DUS2: variants seen among roughly 807,000 people sequenced by gnomAD.
DUS2 encodes the protein dihydrouridine synthase 2.
DUS2 carries 52 observed loss-of-function variants against 71.3 expected under a neutral mutation model. The observed-to-expected ratio is 0.73, with a 90% CI of 0.58 to 0.92. DUS2 has a LOEUF of 0.92. Ranked by LOEUF, DUS2 falls within the 40% of genes least tolerant of loss-of-function variation. DUS2 has a pLI of 0.00. For missense variants in DUS2, 558 were observed against 622.6 expected (o/e 0.90, Z 1.10); for synonymous variants, 204 against 227.8 (o/e 0.90, Z 0.94).
At chr16:68,076,608 A>C in intron 14 of DUS2, 24 bp from the exon 15 acceptor site, 1 of 1,595,016 alleles carries the variant, frequency 6.3e-7, no homozygotes, top group East Asian at 2.2e-5. Context: ...GGGTGACCCC[A>C]ACTGCTTCCC....
At chr16:68,029,468 G>T (rs1341877317) in intron 2 of DUS2, among the ~76,000 whole-genome samples, 1 of 151,586 alleles carries the variant, frequency 6.6e-6, no homozygotes, top group Non-Finnish European at 1.5e-5. Context: ...TTTTTTTGAG[G>T]CAGAGTCTTG....
intron 10 of DUS2, among the ~76,000 whole-genome samples, chr16:68,067,037 CCCTTCCTTCCTTCCCTCCCTCCCTCCCTT>C (rs2034015970): frequency 9.2e-6 from 1 of 108,346 alleles, no homozygotes; most frequent in African/African-American, 4.3e-5. Flanking sequence ...CTCCCTCCCT[CCCTTCCTTCCTTCCCTCCCTCCCTCCCTT>C]CCTTCCTTCC....
intron 2 of DUS2, among the ~76,000 whole-genome samples, chr16:68,028,300 T>G (rs1234405985): frequency 6.6e-6 from 1 of 152,068 alleles, no homozygotes; most frequent in Non-Finnish European, 1.5e-5. Context: ...TGCCTTGATC[T>G]TAAAAGAGCT....
At chr16:68,039,456 T>C (rs1397751847) in intron 3 of DUS2, among the ~76,000 whole-genome samples, 1 of 151,924 alleles carries the variant, frequency 6.6e-6, no homozygotes, top group East Asian at 1.9e-4. Flanking sequence ...TCTCGCTCTG[T>C]CGCCCAGGCT....
chr16:68,049,560 G>C lies in DUS2; in HGVS notation c.172+10G>C. On this transcript the variant is annotated intron_variant, in intron 4 of 16. Coordinates refer to ENST00000565263, the MANE Select transcript of DUS2 (RefSeq NM_017803.5). ...AAGAGAGTTGTTAATGGTGAGTACA[G>C]ATCTGGCTCCAGAATTATGCATATG... The C allele has an allele frequency of 6.2e-7, 1 of 1,614,002 alleles. No homozygotes were observed. The highest frequency in any genetic ancestry group is 1.3e-5 in the African/African-American group (1 of 75,046).
rs544740487 is a variant in DUS2, at chr16:68,066,307, C to T, written c.418-10C>T. On this transcript the variant is annotated splice_polypyrimidine_tract_variant and intron_variant, in intron 8 of 16. Transcript: ENST00000565263. ...AAGACATAGGTGCTCTTGTGTTTTCCTTTCTGCAGATCCTCAGCACTCTTG... is the reference window on the plus strand; with the variant it reads ...AAGACATAGGTGCTCTTGTGTTTTCTTTTCTGCAGATCCTCAGCACTCTTG... 1.1e-5 allele frequency: 18 copies of T among 1,614,012 alleles called. No homozygotes were observed. In the Admixed American group the frequency reaches 1.2e-4, roughly 10 times the overall value.
intron 3 of DUS2, among the ~76,000 whole-genome samples, chr16:68,042,403 A>G (rs187031467): frequency 9.2e-5 from 14 of 152,310 alleles, no homozygotes; most frequent in Non-Finnish European, 1.8e-4. Flanking sequence ...GCTAGATCAT[A>G]TGGTGGTTTT....
intron 3 of DUS2, among the ~76,000 whole-genome samples, chr16:68,045,962 C>T (rs2033694417): frequency 1.3e-5 from 2 of 152,178 alleles, no homozygotes; most frequent in Non-Finnish European, 2.9e-5. Context: ...AGGTGATCCA[C>T]CCTCCCCGGC....
chr16:68,078,890 C>G lies in DUS2; in HGVS notation c.1386C>G (p.Gly462=), dbSNP rs553003281. Residue 462 remains glycine (G), a synonymous_variant, in exon 17 of 17, where the codon GGC becomes GGG. Coordinates refer to ENST00000565263, the MANE Select transcript of DUS2 (RefSeq NM_017803.5). ...KREAPDQDPG[G]PRAQELAQPG... ...AGGCTCCTGACCAAGACCCTGGGGG[C>G]CCCAGAGCTCAGGAGCTAGCACAAC... is the stretch of plus-strand genomic sequence containing the variant. 3.7e-6 allele frequency: 6 copies of G among 1,613,328 alleles called. No individual in the cohort carries two copies. In the African/African-American group the frequency reaches 8.0e-5, roughly 22 times the overall value.
intron 2 of DUS2, among the ~76,000 whole-genome samples, chr16:68,034,121 A>G (rs2033481807): frequency 6.6e-6 from 1 of 152,036 alleles, no homozygotes; most frequent in Non-Finnish European, 1.5e-5. Context: ...GCTGGAGTGC[A>G]GTGGTATGAT....
rs780632542 is a variant in DUS2, at chr16:68,066,549, G to A, written c.484-17G>A. On this transcript the variant is annotated splice_polypyrimidine_tract_variant and intron_variant, in intron 9 of 16. Coordinates refer to ENST00000565263, the MANE Select transcript of DUS2 (RefSeq NM_017803.5). ...TCTGGAGCTTCAGTAACCATCCTGT[G>A]TGGTCCTCCTCCTCAGCTAGAAGAT... 45 of 1,613,810 alleles carry A rather than the reference G, an allele frequency of 2.8e-5. No homozygotes were observed. The highest frequency in any genetic ancestry group is 1.7e-4 in the Admixed American group (10 of 60,010).
chr16:68,072,096 C>G (rs938081886), intron 12 of DUS2, among the ~76,000 whole-genome samples: 2 of 152,198 alleles, frequency 1.3e-5, no homozygotes, highest in South Asian at 4.1e-4. Context: ...GAGTTCCACC[C>G]TCCTCTTCAG....
chr16:68,030,535 G>A (rs1309713575), intron 2 of DUS2, among the ~76,000 whole-genome samples: 1 of 152,116 alleles, frequency 6.6e-6, no homozygotes, highest in African/African-American at 2.4e-5. Context: ...AGATTGCAGT[G>A]AGCCAAGATC....
At chr16:68,044,569 T>C (rs546171772) in intron 3 of DUS2, among the ~76,000 whole-genome samples, 2 of 151,848 alleles carry the variant, frequency 1.3e-5, no homozygotes, top group African/African-American at 4.8e-5. Context: ...CTAATTTTTG[T>C]ATTTTTTTGT....
chr16:68,028,974 G>A (rs745881805), intron 2 of DUS2, among the ~76,000 whole-genome samples: 6 of 152,086 alleles, frequency 3.9e-5, no homozygotes, highest in Non-Finnish European at 8.8e-5. Flanking sequence ...TTAGGCAGGA[G>A]GATCGCTAGA....
At chr16:68,071,735 T>G (rs1308183342) in intron 12 of DUS2, among the ~76,000 whole-genome samples, 1 of 151,250 alleles carries the variant, frequency 6.6e-6, no homozygotes, top group African/African-American at 2.4e-5. Flanking sequence ...CCTCCTGGGC[T>G]CAAGTGATCC....
At chr16:68,062,688 C>T (rs990249576) in intron 8 of DUS2, among the ~76,000 whole-genome samples, 16 of 137,230 alleles carry the variant, frequency 1.2e-4, no homozygotes, top group Non-Finnish European at 2.3e-4. Context: ...CACTGCACTC[C>T]AGCCTGGGCG....
At chr16:68,049,623 C>A in intron 4 of DUS2, 73 bp downstream of exon 4, 1 of 1,427,632 alleles carries the variant, frequency 7.0e-7, no homozygotes, top group Non-Finnish European at 9.9e-7. Flanking sequence ...CTGCCCTTGC[C>A]TGGGGTGACA....
chr16:68,065,543 A>G (rs1409948922), intron 8 of DUS2, among the ~76,000 whole-genome samples: 1 of 152,000 alleles, frequency 6.6e-6, no homozygotes, highest in Non-Finnish European at 1.5e-5. Flanking sequence ...AAGTGGGAGG[A>G]TGGCTTGAGC....
Sources: allele counts gnomAD v4.1 joint callset (sites outside exome capture counted in the v4.1 genomes callset), GRCh38; gene constraint gnomAD v4.1.1; transcripts MANE v1.5; gene names NCBI Gene and HGNC (gene_info 2026-07-23, HGNC 2026-07-21).